The following GOLPH3L variants were observed in gnomAD, a reference collection of about 807,000 sequenced individuals.
GOLPH3L encodes golgi phosphoprotein 3 like.
A neutral mutation model predicts 30.3 loss-of-function variants in GOLPH3L; 22 were observed. That is an observed-to-expected ratio of 0.73 (90% confidence interval 0.52 to 1.04). GOLPH3L has a LOEUF of 1.04. GOLPH3L is among the 50% of genes least tolerant of loss of function. The pLI, the probability that GOLPH3L is intolerant of heterozygous loss-of-function variation, is 0.00. For synonymous variants in GOLPH3L, 120 were observed against 128.2 expected, an observed-to-expected ratio of 0.94 and a Z score of 0.43; for missense variants, 303 against 345.8, an observed-to-expected ratio of 0.88 and a Z score of 0.98.
At chr1:150,655,669 GAA>G (rs1650222067) in intron 4 of GOLPH3L, among the ~76,000 whole-genome samples, 3 of 152,186 alleles carry the variant, frequency 2.0e-5, no homozygotes, top group African/African-American at 7.2e-5. Context: ...TAAGTAAAGA[GAA>G]ACTAGAGGCT....
intron 2 of GOLPH3L, among the ~76,000 whole-genome samples, chr1:150,689,237 T>C (rs587667523): frequency 6.6e-5 from 10 of 152,274 alleles, no homozygotes; most frequent in South Asian, 2.1e-4. Context: ...GAGAGGATGG[T>C]TGAAAAACAT....
intron 2 of GOLPH3L, among the ~76,000 whole-genome samples, chr1:150,686,299 C>T (rs1022588430): frequency 1.3e-5 from 2 of 152,152 alleles, no homozygotes; most frequent in African/African-American, 2.4e-5. Context: ...AATGCAGCTT[C>T]GAACTCCTGG....
At position 150,648,506 on chromosome 1, in the gene GOLPH3L, G is replaced by A. The variant is rs765450192; in HGVS notation, c.673C>T (p.Leu225Phe). Residue 225 changes from leucine (L) to phenylalanine (F), a missense_variant, in exon 5 of 5, where the codon CTC becomes TTC. Leu to Phe is a conservative substitution (Grantham distance 22). Coordinates refer to ENST00000271732, the MANE Select transcript of GOLPH3L (RefSeq NM_018178.6). ...TCAGAGGAGTGGGCTAGCACCAGGA[G>A]TGCTAGTGTTCGCTTGTCCATACGC... ...PQRMDKRTLA[L>F]LVLAHSSDVL... is the part of the protein sequence containing the mutation. 1.2e-6 allele frequency: 2 copies of A among 1,613,840 alleles called. No individual in the cohort carries two copies. Among genetic ancestry groups the A allele is most frequent in the Non-Finnish European group, 1.7e-6 (2 of 1,179,844 alleles).
chr1:150,692,542 T>C (rs755321651), intron 2 of GOLPH3L, among the ~76,000 whole-genome samples: 1 of 152,152 alleles, frequency 6.6e-6, no homozygotes, highest in Non-Finnish European at 1.5e-5. Flanking sequence ...TGTGCCACCA[T>C]GTCCAGCTAA....
chr1:150,692,441 A>T (rs587616063), intron 2 of GOLPH3L, among the ~76,000 whole-genome samples: 3 of 152,342 alleles, frequency 2.0e-5, no homozygotes, highest in East Asian at 1.9e-4. Context: ...GCTGGAGTGC[A>T]GTGACACAAT....
At chr1:150,671,119 G>A (rs587768830) in intron 2 of GOLPH3L, among the ~76,000 whole-genome samples, 1 of 152,198 alleles carries the variant, frequency 6.6e-6, no homozygotes, top group South Asian at 2.1e-4. Flanking sequence ...GCCCGTGCCT[G>A]TAATCCCAGC....
At chr1:150,652,950 A>T (rs1032409442) in intron 4 of GOLPH3L, among the ~76,000 whole-genome samples, 9 of 152,036 alleles carry the variant, frequency 5.9e-5, no homozygotes, top group African/African-American at 2.2e-4. Context: ...TTTAATAATT[A>T]CAACAATGAA....
Position 150,694,739 on chromosome 1 carries a change from C to T in GOLPH3L, c.100G>A (p.Asp34Asn). The change falls in exon 2 of 5, where the codon GAC becomes AAC. Residue 34 changes from aspartate to asparagine, a missense_variant. Coordinates refer to ENST00000271732, the MANE Select transcript of GOLPH3L (RefSeq NM_018178.6). Reference protein sequence around the residue: ...EEDSNWEKSPDNEDSGDSKDI... With the variant: ...EEDSNWEKSPNNEDSGDSKDI... ...TTAGAGTCTCCAGAATCTTCATTGT[C>T]TGGACTTTTCTCCCAATTACTGTCT... 6.2e-7 allele frequency: 1 copy of T among 1,610,344 alleles called. No individual in the cohort carries two copies. Among genetic ancestry groups the T allele is most frequent in the Non-Finnish European group, 8.5e-7 (1 of 1,176,636 alleles).
intron 3 of GOLPH3L, among the ~76,000 whole-genome samples, chr1:150,662,937 T>G (rs1316286177): frequency 1.3e-5 from 2 of 152,140 alleles, no homozygotes; most frequent in African/African-American, 4.8e-5. Flanking sequence ...GGACTTGCAG[T>G]AAATGGAAGG....
chr1:150,664,060 A>G (rs1650437281), intron 2 of GOLPH3L, among the ~76,000 whole-genome samples: 1 of 151,738 alleles, frequency 6.6e-6, no homozygotes, highest in Non-Finnish European at 1.5e-5. Flanking sequence ...ATGCAGTGGC[A>G]TGATCATGGC....
intron 2 of GOLPH3L, among the ~76,000 whole-genome samples, chr1:150,682,406 T>A (rs1376107921): frequency 6.6e-6 from 1 of 151,868 alleles, no homozygotes; most frequent in Non-Finnish European, 1.5e-5. Flanking sequence ...GGCAGGTAGA[T>A]CACTTGAGTC....
intron 2 of GOLPH3L, among the ~76,000 whole-genome samples, chr1:150,691,750 T>G (rs1394793777): frequency 3.9e-5 from 6 of 152,252 alleles, no homozygotes; most frequent in African/African-American, 1.4e-4. Flanking sequence ...AATAGTTTTT[T>G]GAGTTTCATA....
At chr1:150,673,188 T>C (rs1049578480) in intron 2 of GOLPH3L, among the ~76,000 whole-genome samples, 1 of 152,178 alleles carries the variant, frequency 6.6e-6, no homozygotes, top group African/African-American at 2.4e-5. Context: ...TTTTATTTTT[T>C]AGACATAGTC....
chr1:150,662,519 AAT>A (rs1223658704), intron 3 of GOLPH3L, among the ~76,000 whole-genome samples: 3 of 152,286 alleles, frequency 2.0e-5, no homozygotes, highest in East Asian at 1.9e-4. Flanking sequence ...CCAATAGTTA[AAT>A]ATGTTTCTGG....
intron 4 of GOLPH3L, among the ~76,000 whole-genome samples, chr1:150,656,698 C>T (rs587602441): frequency 6.6e-5 from 10 of 152,208 alleles, no homozygotes; most frequent in African/African-American, 1.4e-4. Context: ...TGGGAGAACT[C>T]GGATTGTTAA....
intron 3 of GOLPH3L, among the ~76,000 whole-genome samples, 184 bp downstream of exon 3, chr1:150,663,448 C>G (rs1571039659): frequency 6.6e-6 from 1 of 152,176 alleles, no homozygotes; most frequent in Admixed American, 6.6e-5. Context: ...TCCTATAACT[C>G]TTTGGACTAT....
intron 2 of GOLPH3L, among the ~76,000 whole-genome samples, chr1:150,689,784 T>G (rs587712562): frequency 6.6e-6 from 1 of 151,980 alleles, no homozygotes; most frequent in Non-Finnish European, 1.5e-5. Flanking sequence ...TACAGGTGCA[T>G]GCCACCACAC....
rs74124967 is a variant in GOLPH3L, at chr1:150,649,467, C to T, written c.431-719G>A. ...TAAGGGTGTTGAAAACCATAGAGAT[C>T]TTGGTGGAGAGCAATTACAAGGTGC... On this transcript the variant is annotated intron_variant, in intron 4 of 4. Coordinates refer to ENST00000271732, the MANE Select transcript of GOLPH3L (RefSeq NM_018178.6). 4.9e-3 allele frequency among the ~76,000 whole-genome samples: 752 copies of T among 152,334 alleles called. 4 individuals carry two copies. The highest frequency in any genetic ancestry group is 0.017 in the African/African-American group (708 of 41,580).
At chr1:150,675,298 T>C (rs1034893899) in intron 2 of GOLPH3L, among the ~76,000 whole-genome samples, 1 of 151,946 alleles carries the variant, frequency 6.6e-6, no homozygotes, top group African/African-American at 2.4e-5. Context: ...TTTTCTCTCC[T>C]TGATTACTAG....
Sources: gnomAD v4.1 joint callset for allele counts (sites outside exome capture counted in the v4.1 genomes callset) on GRCh38, gnomAD v4.1.1 for gene constraint, MANE v1.5 for transcripts, NCBI Gene and HGNC (gene_info 2026-07-23, HGNC 2026-07-21) for gene names.